THSD7A: variants seen among roughly 807,000 people sequenced by gnomAD.
THSD7A encodes thrombospondin type-1 domain-containing protein 7A.
Under a neutral mutation model 231.3 loss-of-function variants are expected in THSD7A, and 96 were observed. That is an observed-to-expected ratio of 0.41 (90% CI 0.35 to 0.49). The LOEUF is 0.49. Ranked by LOEUF, THSD7A falls within the 20% of genes least tolerant of loss-of-function variation. The pLI is 0.05. For missense variants in THSD7A, 2,290 were observed against 2,070.2 expected, an observed-to-expected ratio of 1.11 and a Z score of -2.06; for synonymous variants, 940 against 743.3, an observed-to-expected ratio of 1.26 and a Z score of -4.30.
chr7:11,746,673 C>G (rs1173896345), intron 1 of THSD7A, among the ~76,000 whole-genome samples: 1 of 151,806 alleles, frequency 6.6e-6, no homozygotes, highest in Non-Finnish European at 1.5e-5. Context: ...ATTAGATTAA[C>G]ATGACACTAC....
intron 6 of THSD7A, among the ~76,000 whole-genome samples, chr7:11,509,834 A>AAAAAAAAAAAAAAAAAAAAAAAAAAAAC (rs1562669780): frequency 1.4e-5 from 2 of 144,634 alleles, no homozygotes; most frequent in Admixed American, 6.8e-5. Context: ...AAAAAAAAAA[A>AAAAAAAAAAAAAAAAAAAAAAAAAAAAC]AATAACATCT....
intron 4 of THSD7A, among the ~76,000 whole-genome samples, chr7:11,573,765 A>C (rs76): frequency 2.0e-5 from 3 of 152,214 alleles, no homozygotes; most frequent in Non-Finnish European, 4.4e-5. Flanking sequence ...GGCATTTTGC[A>C]AGAGTACAGA....
intron 1 of THSD7A, among the ~76,000 whole-genome samples, chr7:11,679,981 C>G (rs887584189): frequency 9.9e-5 from 15 of 151,846 alleles, no homozygotes; most frequent in African/African-American, 3.4e-4. Context: ...CAGCATGGTA[C>G]TGGTACCAAA....
intron 1 of THSD7A, among the ~76,000 whole-genome samples, chr7:11,785,573 G>C (rs1783764230): frequency 6.6e-6 from 1 of 152,058 alleles, no homozygotes; most frequent in Non-Finnish European, 1.5e-5. Context: ...TTTGCCTGCT[G>C]TTAATCCTTA....
At chr7:11,442,158 A>C (rs1020019448) in intron 13 of THSD7A, among the ~76,000 whole-genome samples, 2 of 152,028 alleles carry the variant, frequency 1.3e-5, no homozygotes, top group African/African-American at 4.8e-5. Flanking sequence ...ATCAGGATGG[A>C]TGAACTTTTA....
At chr7:11,410,819 A>G (rs17164548) in intron 19 of THSD7A, among the ~76,000 whole-genome samples, 14,574 of 152,070 alleles carry the variant, frequency 0.096, 714 homozygotes, top group African/African-American at 0.11. Context: ...CATGTGATCA[A>G]TGTTTAGCAA....
intron 1 of THSD7A, among the ~76,000 whole-genome samples, chr7:11,743,490 C>CT (rs747707876): frequency 1.7e-4 from 26 of 151,902 alleles, no homozygotes; most frequent in Non-Finnish European, 3.5e-4. Context: ...ATATTCCCCT[C>CT]TTTTTTGTAG....
chr7:11,783,469 G>A (rs541192728), intron 1 of THSD7A, among the ~76,000 whole-genome samples: 1 of 152,218 alleles, frequency 6.6e-6, no homozygotes, highest in South Asian at 2.1e-4. Flanking sequence ...CAGTAAATCA[G>A]AACCATATGT....
chr7:11,499,909 A>G (rs1326522819), intron 6 of THSD7A, among the ~76,000 whole-genome samples: 4 of 152,210 alleles, frequency 2.6e-5, no homozygotes, highest in African/African-American at 7.2e-5. Flanking sequence ...GGATATTGTC[A>G]ATGAAAATTT....
intron 6 of THSD7A, among the ~76,000 whole-genome samples, chr7:11,533,137 A>G (rs1583919973): frequency 6.6e-6 from 1 of 152,162 alleles, no homozygotes. Flanking sequence ...AAAACTCAAA[A>G]CGTTTTAAGG....
intron 22 of THSD7A, among the ~76,000 whole-genome samples, chr7:11,405,801 T>C (rs932699749): frequency 6.6e-6 from 1 of 152,210 alleles, no homozygotes; most frequent in African/African-American, 2.4e-5. Context: ...CTGAAGACTT[T>C]ACTAATTATT....
Position 11,469,939 on chromosome 7 carries a change from T to C in THSD7A, c.2308A>G (p.Lys770Glu), listed in dbSNP as rs1244461139. 5 of 1,602,442 alleles carry C rather than the reference T, an allele frequency of 3.1e-6. No homozygotes were observed. Among genetic ancestry groups the C allele is most frequent in the Non-Finnish European group, 4.3e-6 (5 of 1,174,028 alleles). Reference sequence around the variant, plus strand: ...CTATATGGGGTCACAATACAGTCCTTCTTACAAGGAAGCAGACAAGGCCTT... The same window carrying C: ...CTATATGGGGTCACAATACAGTCCTCCTTACAAGGAAGCAGACAAGGCCTT... ...TVRPCLLPCK[K>E]DCIVTPYSDW... The change falls in exon 9 of 28, where the codon AAG becomes GAG. Residue 770 changes from lysine to glutamate, a missense_variant. By Grantham distance (56) the Lys-to-Glu change is moderately conservative. Coordinates refer to ENST00000423059, the MANE Select transcript of THSD7A (RefSeq NM_015204.3).
intron 6 of THSD7A, among the ~76,000 whole-genome samples, chr7:11,504,822 C>T (rs1787477111): frequency 6.8e-6 from 1 of 146,500 alleles, no homozygotes; most frequent in Non-Finnish European, 1.5e-5. Context: ...AAAGAAAGGA[C>T]AACTAACTCC....
At chr7:11,457,724 T>G (rs901483901) in intron 11 of THSD7A, among the ~76,000 whole-genome samples, 4 of 152,116 alleles carry the variant, frequency 2.6e-5, no homozygotes, top group Non-Finnish European at 5.9e-5. Context: ...TCTTCAGAGC[T>G]CAATCCACCC....
intron 6 of THSD7A, among the ~76,000 whole-genome samples, chr7:11,531,708 G>A (rs1441712527): frequency 2.0e-5 from 3 of 152,212 alleles, no homozygotes; most frequent in Non-Finnish European, 4.4e-5. Context: ...AAAATTGGAA[G>A]AGAAACTGAC....
At chr7:11,651,486 A>ACTATCTATCAACTATCTATCTATCTAT (rs373522018) in intron 1 of THSD7A, among the ~76,000 whole-genome samples, 6 of 149,666 alleles carry the variant, frequency 4.0e-5, no homozygotes, top group African/African-American at 1.2e-4. Flanking sequence ...CTATCTATCA[A>ACTATCTATCAACTATCTATCTATCTAT]CTATCTATCT....
intron 1 of THSD7A, among the ~76,000 whole-genome samples, chr7:11,723,872 C>T (rs1781448985): frequency 6.6e-6 from 1 of 151,836 alleles, no homozygotes; most frequent in African/African-American, 2.4e-5. Context: ...ACCATATAGA[C>T]ATTAACAGAC....
chr7:11,565,151 C>T (rs1367955983), intron 4 of THSD7A, among the ~76,000 whole-genome samples: 1 of 152,094 alleles, frequency 6.6e-6, no homozygotes, highest in African/African-American at 2.4e-5. Flanking sequence ...TCCCTAACAA[C>T]AAAAACAGCA....
chr7:11,692,608 T>C (rs1414444609), intron 1 of THSD7A, among the ~76,000 whole-genome samples: 2 of 151,560 alleles, frequency 1.3e-5, no homozygotes, highest in African/African-American at 4.8e-5. Context: ...GCTTGTACCT[T>C]CACAGTTATT....
Sources: gnomAD v4.1 joint callset for allele counts (sites outside exome capture counted in the v4.1 genomes callset) on GRCh38, gnomAD v4.1.1 for gene constraint, MANE v1.5 for transcripts, NCBI Gene and HGNC (gene_info 2026-07-23, HGNC 2026-07-21) for gene names.